The following RPGRIP1 variants were observed in gnomAD, a reference collection of about 807,000 sequenced individuals.
RPGRIP1 encodes the protein RPGR interacting protein 1.
RPGRIP1 carries 128 observed loss-of-function variants against 157.9 expected under a neutral mutation model. That is an observed-to-expected ratio of 0.81 (90% CI 0.70 to 0.94). The LOEUF (loss-of-function observed/expected upper bound fraction) is 0.94. Ranked by LOEUF, RPGRIP1 falls within the 40% of genes least tolerant of loss-of-function variation. The pLI is 0.00. For synonymous variants in RPGRIP1, 554 were observed against 571.6 expected, an observed-to-expected ratio of 0.97 and a Z score of 0.44; for missense variants, 1,486 against 1,545.8, an observed-to-expected ratio of 0.96 and a Z score of 0.65.
intron 14 of RPGRIP1, chr14:21,323,821 T>C (rs1178674110): frequency 6.6e-6 from 1 of 152,178 alleles, no homozygotes; most frequent in Non-Finnish European, 1.5e-5. Flanking sequence ...GACATTCCGA[T>C]GTGTCCAGAA....
intron 4 of RPGRIP1, among the ~76,000 whole-genome samples, chr14:21,301,921 T>G (rs1019333200): frequency 6.6e-6 from 1 of 151,780 alleles, no homozygotes; most frequent in Non-Finnish European, 1.5e-5. Flanking sequence ...AACTCAACGT[T>G]GAATCTCTAG....
Position 21,312,463 on chromosome 14 carries a change from G to A in RPGRIP1, c.1108G>A (p.Glu370Lys). Residue 370 changes from glutamate to lysine, a missense_variant, in exon 10 of 25, where the codon GAA becomes AAA. Glu to Lys is a moderately conservative substitution (Grantham distance 56). Coordinates refer to ENST00000400017, the MANE Select transcript of RPGRIP1 (RefSeq NM_020366.4). ...GGAGAGAGTTGAAGATTTGGAAAAAGAACGAAAATTGCTGAATGACAATTA... is the reference window on the plus strand; with the variant it reads ...GGAGAGAGTTGAAGATTTGGAAAAAAAACGAAAATTGCTGAATGACAATTA... Reference protein sequence around the residue: ...FQERVEDLEKERKLLNDNYDK... With the variant: ...FQERVEDLEKKRKLLNDNYDK... 1 of 1,611,696 alleles carries A rather than the reference G, an allele frequency of 6.2e-7. No homozygotes were observed. The highest frequency in any genetic ancestry group is 8.5e-7 in the Non-Finnish European group (1 of 1,178,700).
intron 12 of RPGRIP1, among the ~76,000 whole-genome samples, 159 bp from the exon 13 acceptor site, chr14:21,321,100 G>A (rs1882410252): frequency 6.6e-6 from 1 of 152,174 alleles, no homozygotes; most frequent in Admixed American, 6.5e-5. Flanking sequence ...GAGAACTAGG[G>A]GAAAGAGCAC....
At chr14:21,332,423 C>T (rs1217270977) in intron 20 of RPGRIP1, among the ~76,000 whole-genome samples, 1 of 152,080 alleles carries the variant, frequency 6.6e-6, no homozygotes, top group Non-Finnish European at 1.5e-5. Flanking sequence ...TTCCCAGAGC[C>T]AAATTTACAT....
At chr14:21,343,284 AG>A in intron 22 of RPGRIP1, 56 bp downstream of exon 22, 2 of 1,352,996 alleles carry the variant, frequency 1.5e-6, no homozygotes, top group Admixed American at 4.4e-5. Context: ...ATTGAGACTG[AG>A]GGTCAGAATT....
intron 7 of RPGRIP1, among the ~76,000 whole-genome samples, chr14:21,308,045 A>G (rs1194388350): frequency 6.6e-6 from 1 of 152,234 alleles, no homozygotes; most frequent in Non-Finnish European, 1.5e-5. Flanking sequence ...GTTCTCTATT[A>G]AGAGGAAGGC....
intron 20 of RPGRIP1, among the ~76,000 whole-genome samples, chr14:21,333,099 TCAAAACAAAAA>T (rs1463173839): frequency 1.3e-5 from 2 of 152,150 alleles, no homozygotes; most frequent in Non-Finnish European, 2.9e-5. Flanking sequence ...ATGCTTCATT[TCAAAACAAAAA>T]CAAAACAAAA....
chr14:21,303,707 G>T lies in RPGRIP1; in HGVS notation c.800+164G>T, dbSNP rs7140235. Among the ~76,000 whole-genome samples the T allele has an allele frequency of 0.24, 36,283 of 152,040 alleles. 4,636 individuals are homozygous for T. Among genetic ancestry groups the T allele is most frequent in the South Asian group, 0.29 (1,403 of 4,812 alleles). ...CGTAGGTTAAGAAATGGATTAACCT[G>T]CGGGCACCATGGATCACGCCTGTAA... is the stretch of plus-strand genomic sequence containing the variant. On this transcript the variant is annotated intron_variant, in intron 6 of 24. Coordinates refer to ENST00000400017, the MANE Select transcript of RPGRIP1 (RefSeq NM_020366.4).
Position 21,325,180 on chromosome 14 carries a change from T to A in RPGRIP1, c.2216-52T>A. On this transcript the variant is annotated intron_variant, in intron 15 of 24. Transcript: ENST00000400017. ...TTTTCTTCCTTTGTCTTGTTCTTGA[T>A]CCTTGCCACACCATCTGTATTCCCC... 5.8e-6 allele frequency: 9 copies of A among 1,555,886 alleles called. No individual in the cohort carries two copies. In the South Asian group the frequency reaches 8.7e-5, roughly 15 times the overall value.
intron 2 of RPGRIP1, among the ~76,000 whole-genome samples, chr14:21,290,068 A>T (rs1054463953): frequency 2.0e-5 from 3 of 151,514 alleles, no homozygotes; most frequent in Non-Finnish European, 2.9e-5. Context: ...TGCTGGCCGG[A>T]CTGGTCTCCA....
chr14:21,323,925 T>G (rs1882773569), intron 14 of RPGRIP1: 1 of 154,760 alleles, frequency 6.5e-6, no homozygotes, highest in South Asian at 2.0e-4. Flanking sequence ...GCAGGCTATA[T>G]ATCAAAGTTT....
chr14:21,280,584 G>C (rs1880091851), intron 1 of RPGRIP1, among the ~76,000 whole-genome samples: 1 of 152,024 alleles, frequency 6.6e-6, no homozygotes, highest in South Asian at 2.1e-4. Context: ...AGTCTCCCAG[G>C]CATCCAGCAC....
rs765299022 is a variant in RPGRIP1 at position 21,343,124 on chromosome 14, A to T, written c.3428A>T (p.Tyr1143Phe). The T allele has an allele frequency of 1.2e-6, 2 of 1,613,650 alleles. No homozygotes were observed. Among genetic ancestry groups the T allele is most frequent in the East Asian group, 4.5e-5 (2 of 44,878 alleles). ...TCTGATGAGAACATAAAACAGGTGT[A>T]TGTGGAGTACAAATTCTACGACCTA... ...VMSDENIKQV[Y>F]VEYKFYDLPL... is the part of the protein sequence containing the mutation. Residue 1143 changes from tyrosine (Y) to phenylalanine (F), a missense_variant, in exon 22 of 25, where the codon TAT becomes TTT. Transcript: ENST00000400017.
chr14:21,303,401 A>C lies in RPGRIP1; in HGVS notation c.658A>C (p.Met220Leu). Residue 220 changes from methionine (M) to leucine (L), a missense_variant, in exon 6 of 25, where the codon ATG becomes CTG. By Grantham distance (15) the Met-to-Leu change is conservative. Transcript: ENST00000400017. ...ISMAKPIGLC[M>L]PNSAHIMASN... ...TATGGCTAAACCCATTGGTCTATGC[A>C]TGCCTAACAGTGCCCACATCATGGC... The C allele has an allele frequency of 1.9e-6, 3 of 1,613,898 alleles. No homozygotes were observed. Among genetic ancestry groups the C allele is most frequent in the Non-Finnish European group, 2.5e-6 (3 of 1,179,858 alleles).
intron 21 of RPGRIP1, 81 bp from the exon 22 acceptor site, chr14:21,342,955 C>T (rs149347863): frequency 2.1e-5 from 20 of 948,890 alleles, no homozygotes; most frequent in Middle Eastern, 2.7e-4. Context: ...TAGAGAGTAC[C>T]GTAATGGGTT....
chr14:21,280,516 G>A (rs558954448), intron 1 of RPGRIP1, among the ~76,000 whole-genome samples: 3 of 152,098 alleles, frequency 2.0e-5, no homozygotes, highest in Non-Finnish European at 4.4e-5. Flanking sequence ...AAAGTGCTGG[G>A]ATTACTGGCA....
chr14:21,334,600 A>G lies in RPGRIP1; in HGVS notation c.3239-5A>G, dbSNP rs762989074. 6.3e-7 allele frequency: 1 copy of G among 1,596,988 alleles called. No individual in the cohort carries two copies. On this transcript the variant is annotated splice_region_variant and splice_polypyrimidine_tract_variant and intron_variant, in intron 20 of 24. Coordinates refer to ENST00000400017, the MANE Select transcript of RPGRIP1 (RefSeq NM_020366.4). ...GTTCTATAACTGCAACCTCTTCTCT[A>G]GCAGACAAAGAATCCTCTGAACAAG...
At position 21,327,806 on chromosome 14, in the gene RPGRIP1, A is replaced by G. The variant is rs1764015019; in HGVS notation, c.2894A>G (p.Gln965Arg). The G allele has an allele frequency of 1.9e-6, 3 of 1,589,030 alleles. No individual in the cohort carries two copies. The highest frequency in any genetic ancestry group is 1.8e-5 in the Admixed American group (1 of 56,146). ...SEEEKASFPS[Q>R]DQMASPEVPI... ...GAGGAAAAGGCTTCATTTCCTTCCCAGGTAACTCTCCAGGACTCCACAGGT... is the reference window on the plus strand; with the variant it reads ...GAGGAAAAGGCTTCATTTCCTTCCCGGGTAACTCTCCAGGACTCCACAGGT... The change falls in exon 18 of 25, where the codon CAG becomes CGG. Residue 965 changes from glutamine to arginine, a missense_variant and splice_region_variant. Coordinates refer to ENST00000400017, the MANE Select transcript of RPGRIP1 (RefSeq NM_020366.4).
intron 7 of RPGRIP1, among the ~76,000 whole-genome samples, chr14:21,309,704 A>G (rs1004057938): frequency 6.6e-6 from 1 of 152,206 alleles, no homozygotes; most frequent in Admixed American, 6.6e-5. Context: ...AAGACAGAAC[A>G]TGCTAGGAAT....
Sources: allele counts gnomAD v4.1 joint callset (sites outside exome capture counted in the v4.1 genomes callset), GRCh38; gene constraint gnomAD v4.1.1; transcripts MANE v1.5; gene names NCBI Gene and HGNC (gene_info 2026-07-23, HGNC 2026-07-21).